DUSP15: variants seen among roughly 807,000 people sequenced by gnomAD.
The protein encoded by DUSP15 is dual specificity protein phosphatase 15.
In DUSP15, 23 loss-of-function variants were observed where a neutral mutation model predicts 26.3. The observed-to-expected ratio is 0.87, with a 90% CI of 0.63 to 1.24. DUSP15 has a LOEUF of 1.24. DUSP15 is among the 50% of genes most tolerant of loss of function. DUSP15 has a pLI of 0.00. For missense variants in DUSP15, 364 were observed against 320.6 expected, an observed-to-expected ratio of 1.14 and a Z score of -1.03; for synonymous variants, 143 against 135.5, an observed-to-expected ratio of 1.06 and a Z score of -0.39.
chr20:31,848,833 G>A, exon 9 of DUSP15: 1 of 1,612,244 alleles, frequency 6.2e-7, no homozygotes, highest in Non-Finnish European at 8.5e-7. Flanking sequence ...GCTCCTTGGG[G>A]TGCTGTGTGG....
At chr20:31,856,803 G>A (rs1030288616), downstream of DUSP15, among the ~76,000 whole-genome samples, 3 of 152,058 alleles carry the variant, frequency 2.0e-5, no homozygotes, top group Non-Finnish European at 1.5e-5. Context: ...GGGACATGAG[G>A]AAGTAGGTTC....
chr20:31,851,690 G>T (rs1033555179), intron 6 of DUSP15, among the ~76,000 whole-genome samples: 1 of 152,078 alleles, frequency 6.6e-6, no homozygotes, highest in African/African-American at 2.4e-5. Context: ...AGAGAGGGTG[G>T]GGCCAGTGGG....
Position 31,867,203 on chromosome 20 carries a change from T to C in DUSP15, c.56-50A>G, listed in dbSNP as rs370684585. ...CAATCTGGCTGGCGGGATGTCCTGA[T>C]GGCCAAGTGCGGAGGGAGCTCACTG... is the stretch of plus-strand genomic sequence containing the variant. On this transcript the variant is annotated intron_variant, in intron 2 of 6. Coordinates refer to ENST00000339738, the MANE Select transcript of DUSP15 (RefSeq NM_080611.5). 1.4e-5 allele frequency: 21 copies of C among 1,518,352 alleles called. No individual in the cohort carries two copies. In the African/African-American group the frequency reaches 2.9e-4, roughly 21 times the overall value. The allele number at this position is 1,518,352 out of a possible 1,614,324, so 94.1% of individuals were successfully genotyped here. A position where few individuals can be genotyped will look rare whatever the true frequency, so the allele number is the denominator to read the frequency against.
At chr20:31,848,278 G>T in exon 10 of DUSP15, 1 of 1,136,440 alleles carries the variant, frequency 8.8e-7, no homozygotes, top group Non-Finnish European at 1.2e-6. Flanking sequence ...CAGAGGAGTG[G>T]AAGGCCGCGA....
intron 8 of DUSP15, chr20:31,849,625 A>T (rs1185464452): frequency 6.7e-6 from 10 of 1,502,914 alleles, no homozygotes; most frequent in Non-Finnish European, 8.1e-6. Context: ...GCCCTGGCAC[A>T]GGCGCTTGGT....
chr20:31,861,993 A>G (rs1005233854), intron 6 of DUSP15, among the ~76,000 whole-genome samples: 1 of 145,576 alleles, frequency 6.9e-6, no homozygotes, highest in Admixed American at 6.7e-5. Context: ...CTTCTGGGTA[A>G]CTCCTCCCAC....
intron 6 of DUSP15, 128 bp from the exon 7 acceptor site, chr20:31,861,803 C>T: frequency 1.4e-6 from 1 of 739,128 alleles, no homozygotes; most frequent in Non-Finnish European, 2.0e-6. Flanking sequence ...GAGCCCCTCC[C>T]TTCCTGAGCG....
Position 31,869,579 on chromosome 20 carries a change from G to C in DUSP15, c.40C>G (p.Leu14Val), listed in dbSNP as rs997640167. The change falls in exon 2 of 7, where the codon CTC becomes GTC. Residue 14 changes from leucine (L) to valine (V), a missense_variant. Physicochemically the swap from Leu to Val is conservative, Grantham distance 32. Coordinates refer to ENST00000339738, the MANE Select transcript of DUSP15 (RefSeq NM_080611.5). ...GMTKVLPGLY[L>V]GNFIDAKDLD... is the part of the protein sequence containing the mutation. ...CAGTGCTCACCAATGAAGTTTCCGA[G>C]GTAGAGTCCAGGAAGTACCTAGAGG... The C allele has an allele frequency of 1.2e-6, 2 of 1,613,438 alleles. No individual in the cohort carries two copies. The highest frequency in any genetic ancestry group is 1.7e-5 in the Admixed American group (1 of 59,910).
At chr20:31,864,337 A>G in intron 4 of DUSP15, 2 of 1,065,344 alleles carry the variant, frequency 1.9e-6, no homozygotes, top group Non-Finnish European at 1.1e-6. Context: ...CAATCAGAGC[A>G]CCTGGGCACA....
chr20:31,866,522 C>T (rs1485478570), intron 3 of DUSP15, among the ~76,000 whole-genome samples: 1 of 152,186 alleles, frequency 6.6e-6, no homozygotes, highest in East Asian at 1.9e-4. Flanking sequence ...TCTGCTGGGT[C>T]CTAACACCCT....
chr20:31,870,076 A>T lies in DUSP15; in HGVS notation c.21+241T>A. The T allele has an allele frequency of 3.2e-6, 4 of 1,259,344 alleles. No homozygotes were observed. Among genetic ancestry groups the T allele is most frequent in the Non-Finnish European group, 4.0e-6 (4 of 1,002,734 alleles). The allele number at this position is 1,259,344 out of a possible 1,614,324, so 78.0% of individuals were successfully genotyped here. On this transcript the variant is annotated intron_variant, in intron 1 of 6. Coordinates refer to ENST00000339738, the MANE Select transcript of DUSP15 (RefSeq NM_080611.5). This position sits in a 1 kb window ranked among gnomAD's most constrained non-coding sequence, Gnocchi z 6.6. ...GAGACAGCCTGGGAGTGACAGCCAC[A>T]GCAAGACAGCGAGAGACACACAGAG...
intron 5 of DUSP15, 106 bp from the exon 6 acceptor site, chr20:31,862,848 C>G: frequency 8.2e-7 from 1 of 1,221,998 alleles, no homozygotes; most frequent in Non-Finnish European, 1.1e-6. Context: ...TCCTGAGCTC[C>G]AACCATAAGG....
downstream of DUSP15, among the ~76,000 whole-genome samples, chr20:31,846,464 GAGAGAGAGAGA>G (rs1568647211): frequency 3.0e-4 from 45 of 150,858 alleles, 1 homozygote; most frequent in African/African-American, 1.1e-3. Context: ...GAGAGAGAGA[GAGAGAGAGAGA>G]GGAGAGAGAG....
chr20:31,850,083 C>T (rs2062442419), intron 7 of DUSP15, among the ~76,000 whole-genome samples: 1 of 152,210 alleles, frequency 6.6e-6, no homozygotes, highest in Admixed American at 6.5e-5. Flanking sequence ...AACTGATAGT[C>T]GAGCTCTGCG....
chr20:31,847,641 G>A (rs1424402407), exon 10 of DUSP15: 1 of 152,180 alleles, frequency 6.6e-6, no homozygotes, highest in Non-Finnish European at 1.5e-5. Context: ...GATATGTGGG[G>A]TGGAAAACAG....
At chr20:31,862,848 C>A in intron 5 of DUSP15, 106 bp from the exon 6 acceptor site, 1 of 1,221,992 alleles carries the variant, frequency 8.2e-7, no homozygotes, top group Non-Finnish European at 1.1e-6. Flanking sequence ...TCCTGAGCTC[C>A]AACCATAAGG....
At chr20:31,849,855 C>A in exon 8 of DUSP15, 2 of 1,511,208 alleles carry the variant, frequency 1.3e-6, no homozygotes, top group East Asian at 2.4e-5. Context: ...GAGAGAAGAG[C>A]CACACGTGCA....
downstream of DUSP15, among the ~76,000 whole-genome samples, chr20:31,846,442 T>G (rs551270680): frequency 0.017 from 1,843 of 107,754 alleles, 46 homozygotes; most frequent in African/African-American, 0.071. Flanking sequence ...AAGGAATGAA[T>G]AGAGAGAGAG....
chr20:31,870,561 G>A, upstream of DUSP15: 2 of 1,459,706 alleles, frequency 1.4e-6, no homozygotes, highest in Admixed American at 2.4e-5. The surrounding 1 kb of genome is among the most constrained non-coding windows in gnomAD (Gnocchi z 6.6). Flanking sequence ...CGCCGCCGCC[G>A]CAGGCTCCTC....
Sources: allele counts gnomAD v4.1 joint callset (sites outside exome capture counted in the v4.1 genomes callset), GRCh38; gene constraint gnomAD v4.1.1; non-coding constraint Gnocchi (gnomAD v3.1); transcripts MANE v1.5; gene names NCBI Gene and HGNC (gene_info 2026-07-23, HGNC 2026-07-21).